SLC25A36: variants seen among roughly 807,000 people sequenced by gnomAD.
SLC25A36 encodes solute carrier family 25 member 36.
A neutral mutation model predicts 35.3 loss-of-function variants in SLC25A36; 24 were observed. The ratio of observed to expected loss-of-function variants is 0.68; its 90% CI spans 0.49 to 0.96. SLC25A36 has a LOEUF of 0.96. Ranked by LOEUF, SLC25A36 falls within the 40% of genes least tolerant of loss-of-function variation. SLC25A36 has a pLI of 0.00. For synonymous variants in SLC25A36, 141 were observed against 132.2 expected (o/e 1.07, Z -0.46); for missense variants, 294 against 381.1 (o/e 0.77, Z 1.90).
chr3:140,978,990 ATTAT>A lies in SLC25A36; in HGVS notation c.*2541_*2544del, dbSNP rs1935123150. 1 of 152,110 alleles carries A rather than the reference ATTAT, an allele frequency of 6.6e-6. No homozygotes were observed. Among genetic ancestry groups the A allele is most frequent in the Non-Finnish European group, 1.5e-5 (1 of 67,996 alleles). 9.4% of individuals were successfully genotyped at this position (152,110 alleles called of 1,614,324 possible). On this transcript the variant is annotated 3_prime_UTR_variant, in exon 7 of 7. Transcript: ENST00000324194. ...TTTTTATTTCTGGTGTAGAGTCCAC[ATTAT>A]TTAGTTTGTTGTACTTTTAAATTTC...
chr3:140,962,133 C>G (rs1163726858), intron 3 of SLC25A36, among the ~76,000 whole-genome samples: 1 of 151,982 alleles, frequency 6.6e-6, no homozygotes. Context: ...TCTAGAAATG[C>G]ATTGTTTATT....
intron 5 of SLC25A36, among the ~76,000 whole-genome samples, chr3:140,972,214 A>C (rs1055085300): frequency 1.1e-4 from 17 of 152,190 alleles, no homozygotes; most frequent in African/African-American, 4.1e-4. Context: ...TTGCTCTATG[A>C]GGAATCCAGG....
At chr3:140,953,103 A>C (rs750417866) in intron 1 of SLC25A36, among the ~76,000 whole-genome samples, 36 of 152,330 alleles carry the variant, frequency 2.4e-4, no homozygotes, top group Non-Finnish European at 4.9e-4. Context: ...TCTGAGTCCT[A>C]CATTGCATAT....
rs773709797 is a variant in SLC25A36, at chr3:140,956,609, T to C, written c.124T>C (p.Tyr42His). ...TRLQSSSVTL[Y>H]ISEVQLNTMA... ...ACTGCAGTCATCTTCTGTGACGCTT[T>C]ATATTTCTGAAGTTCAGCTGAACAC... Residue 42 changes from tyrosine (Y) to histidine (H), a missense_variant, in exon 2 of 7, where the codon TAT becomes CAT. Physicochemically the swap from Tyr to His is moderately conservative, Grantham distance 83 (BLOSUM62 2). This residue lies in a region of SLC25A36 where 185 missense variants were observed against 201.5 expected (regional missense o/e 0.92). Coordinates refer to ENST00000324194, the MANE Select transcript of SLC25A36 (RefSeq NM_001104647.3). 5.6e-6 allele frequency: 9 copies of C among 1,614,012 alleles called. 1 individual carries two copies. The highest frequency in any genetic ancestry group is 1.7e-4 in the Middle Eastern group (1 of 6,060).
chr3:140,948,739 T>A (rs1934236317), intron 1 of SLC25A36, among the ~76,000 whole-genome samples: 2 of 152,206 alleles, frequency 1.3e-5, no homozygotes, highest in African/African-American at 4.8e-5. Context: ...CTCAAGAGGT[T>A]AATATTGAGG....
intron 1 of SLC25A36, 32 bp downstream of exon 1, chr3:140,942,127 C>A (rs749160598): frequency 4.3e-5 from 42 of 978,364 alleles, no homozygotes; most frequent in Middle Eastern, 3.8e-4. Flanking sequence ...CGCACTGGGG[C>A]TGAGGGTGCT....
chr3:140,971,543 C>T (rs902476122), intron 5 of SLC25A36, among the ~76,000 whole-genome samples: 2 of 152,172 alleles, frequency 1.3e-5, no homozygotes, highest in African/African-American at 2.4e-5. Context: ...CACCAGGAAA[C>T]AGTGGGGACT....
chr3:140,967,068 T>C, intron 4 of SLC25A36: 1 of 455,940 alleles, frequency 2.2e-6, no homozygotes, highest in South Asian at 1.6e-5. Flanking sequence ...TCTTGCAGCC[T>C]GTAGTATAAG....
chr3:140,969,046 T>A (rs114540253), intron 4 of SLC25A36, among the ~76,000 whole-genome samples: 83 of 151,950 alleles, frequency 5.5e-4, no homozygotes, highest in African/African-American at 1.9e-3. Flanking sequence ...ACAGACATAT[T>A]TAGCTATTAC....
rs909510825 is a variant in SLC25A36, at chr3:140,943,957, T to TC, written c.41+1869dup. ...CACACAGATTAGGAGCTCCATCCCCTCCCCCCCAGTCTAGCATATGTAGTT... is the reference window on the plus strand; with the variant it reads ...CACACAGATTAGGAGCTCCATCCCCTCCCCCCCCAGTCTAGCATATGTAGTT... On this transcript the variant is annotated intron_variant, in intron 1 of 6. Coordinates refer to ENST00000324194, the MANE Select transcript of SLC25A36 (RefSeq NM_001104647.3). Among the ~76,000 whole-genome samples the TC allele has an allele frequency of 4.7e-5, 7 of 147,690 alleles. 1 individual carries two copies. The highest frequency in any genetic ancestry group is 3.2e-3 in the Middle Eastern group (1 of 314).
rs1044891370 is a variant in SLC25A36, at chr3:140,980,830, C to G, written c.*4377C>G. 1.3e-5 allele frequency among the ~76,000 whole-genome samples: 2 copies of G among 151,686 alleles called. No individual in the cohort carries two copies. The highest frequency in any genetic ancestry group is 4.8e-5 in the African/African-American group (2 of 41,304). ...ATTCTGCCTCAGCCTGACTTCCCTTCTGTTTCTTTATTTTCGCACTGTGTA... is the reference window on the plus strand; with the variant it reads ...ATTCTGCCTCAGCCTGACTTCCCTTGTGTTTCTTTATTTTCGCACTGTGTA... On this transcript the variant is annotated 3_prime_UTR_variant, in exon 7 of 7. Transcript: ENST00000324194.
chr3:140,965,019 A>G (rs908406558), intron 4 of SLC25A36: 1 of 151,910 alleles, frequency 6.6e-6, no homozygotes, highest in Non-Finnish European at 1.5e-5. Context: ...TGGTAAACTT[A>G]CAATCTCATA....
At position 140,980,004 on chromosome 3, in the gene SLC25A36, C is replaced by G. The variant is rs1016228913; in HGVS notation, c.*3551C>G. The G allele has an allele frequency of 6.6e-6, 1 of 151,962 alleles. No homozygotes were observed. Among genetic ancestry groups the G allele is most frequent in the African/African-American group, 2.4e-5 (1 of 41,372 alleles). 9.4% of individuals were successfully genotyped at this position (151,962 alleles called of 1,614,324 possible). On this transcript the variant is annotated 3_prime_UTR_variant, in exon 7 of 7. Transcript: ENST00000324194. ...CATAATCACACTTTTTTGGATTATC[C>G]TATGTGTGGAACAAAAATCCATTGC...
intron 1 of SLC25A36, among the ~76,000 whole-genome samples, chr3:140,954,440 G>A (rs1278906371): frequency 6.6e-6 from 1 of 152,168 alleles, no homozygotes; most frequent in East Asian, 1.9e-4. Flanking sequence ...GCAGTGTTAT[G>A]TTTAACTCTG....
intron 4 of SLC25A36, among the ~76,000 whole-genome samples, chr3:140,970,078 G>A (rs1389732259): frequency 2.0e-5 from 3 of 151,902 alleles, no homozygotes; most frequent in Admixed American, 6.6e-5. Context: ...TAGGAAGGTG[G>A]CAAGTAAAAC....
At chr3:140,955,159 CCAATATGA>C (rs1934446080) in intron 1 of SLC25A36, among the ~76,000 whole-genome samples, 1 of 152,062 alleles carries the variant, frequency 6.6e-6, no homozygotes, top group Non-Finnish European at 1.5e-5. Context: ...TACTAATACA[CCAATATGA>C]CATATTTTTA....
Position 140,976,242 on chromosome 3 carries a change from T to C in SLC25A36, c.743-18T>C, listed in dbSNP as rs1333802773. On this transcript the variant is annotated intron_variant, in intron 6 of 6. Coordinates refer to ENST00000324194, the MANE Select transcript of SLC25A36 (RefSeq NM_001104647.3). Reference sequence around the variant, plus strand: ...TAAAGATATCAGTAATGTTTAATTTTATTTCTTTCCTACACAGAAGTTGTA... The same window carrying C: ...TAAAGATATCAGTAATGTTTAATTTCATTTCTTTCCTACACAGAAGTTGTA... 1 of 1,523,054 alleles carries C rather than the reference T, an allele frequency of 6.6e-7. No individual in the cohort carries two copies. Among genetic ancestry groups the C allele is most frequent in the South Asian group, 1.2e-5 (1 of 82,358 alleles). 94.3% of individuals were successfully genotyped at this position (1,523,054 alleles called of 1,614,324 possible). A position where few individuals can be genotyped will look rare whatever the true frequency, so the allele number is the denominator to read the frequency against.
At chr3:140,958,993 TGTGTGTGTGTGTGTG>T (rs1934557672) in intron 2 of SLC25A36, among the ~76,000 whole-genome samples, 1 of 144,166 alleles carries the variant, frequency 6.9e-6, no homozygotes, top group East Asian at 2.1e-4. Context: ...TGTGTGTGTG[TGTGTGTGTGTGTGTG>T]TTTTCTTTTT....
chr3:140,954,408 A>G (rs976028654), intron 1 of SLC25A36, among the ~76,000 whole-genome samples: 7 of 152,230 alleles, frequency 4.6e-5, no homozygotes, highest in African/African-American at 9.6e-5. Flanking sequence ...GTCAGTACCT[A>G]CAAGTGAGAT....
Sources: gnomAD v4.1 joint callset for allele counts (sites outside exome capture counted in the v4.1 genomes callset) on GRCh38, gnomAD v4.1.1 for gene constraint, gnomAD v4.1.1 regional missense constraint, MANE v1.5 for transcripts, NCBI Gene and HGNC (gene_info 2026-07-23, HGNC 2026-07-21) for gene names.